The following GLIS3 variants were observed in gnomAD, a reference collection of about 807,000 sequenced individuals.
GLIS3 encodes the protein GLIS family zinc finger 3.
Under a neutral mutation model 78.6 loss-of-function variants are expected in GLIS3, and 53 were observed. That is an observed-to-expected ratio of 0.67 (90% confidence interval 0.54 to 0.85). The LOEUF is 0.85. Ranked by LOEUF, GLIS3 falls within the 40% of genes least tolerant of loss-of-function variation. The probability of loss-of-function intolerance (pLI) is 0.00; values close to 1 mark genes in which losing one functional copy is unlikely to be tolerated. For synonymous variants in GLIS3, 684 were observed against 509.9 expected (o/e 1.34, Z -4.60); for missense variants, 1,703 against 1,231.1 (o/e 1.38, Z -5.74).
intron 2 of GLIS3, among the ~76,000 whole-genome samples, chr9:4,341,366 C>A (rs190292810): frequency 6.6e-6 from 1 of 152,354 alleles, no homozygotes; most frequent in African/African-American, 2.4e-5. Flanking sequence ...TGACCCTGTT[C>A]AAATCAACTC....
chr9:4,481,653 T>C, the GLIS3 span, among the ~76,000 whole-genome samples: 1 of 152,162 alleles, frequency 6.6e-6, no homozygotes, highest in African/African-American at 2.4e-5. Context: ...AGTGTACTTT[T>C]ACACACTTAA....
chr9:3,862,634 T>G (rs1446557359), intron 8 of GLIS3, among the ~76,000 whole-genome samples: 1 of 152,186 alleles, frequency 6.6e-6, no homozygotes, highest in Non-Finnish European at 1.5e-5. Context: ...CAGCCAGCAG[T>G]GCAGGACTGT....
chr9:4,168,197 G>A (rs187770539), intron 2 of GLIS3, among the ~76,000 whole-genome samples: 14 of 150,574 alleles, frequency 9.3e-5, no homozygotes, highest in East Asian at 7.8e-4. Context: ...ACACACAGAC[G>A]CACACACACA....
At chr9:4,254,002 C>A (rs1200751379) in intron 2 of GLIS3, among the ~76,000 whole-genome samples, 1 of 152,178 alleles carries the variant, frequency 6.6e-6, no homozygotes, top group Non-Finnish European at 1.5e-5. Flanking sequence ...AAATCACCTG[C>A]CTTCTGCCTC....
At chr9:3,846,699 G>C (rs1484832130) in intron 9 of GLIS3, among the ~76,000 whole-genome samples, 1 of 152,098 alleles carries the variant, frequency 6.6e-6, no homozygotes, top group East Asian at 1.9e-4. Context: ...TCTTCCACAG[G>C]GCTGCCATGG....
chr9:4,386,828 T>C, the GLIS3 span, among the ~76,000 whole-genome samples: 1 of 152,214 alleles, frequency 6.6e-6, no homozygotes, highest in African/African-American at 2.4e-5. Context: ...AGACCCTATT[T>C]TCCTGCTTCA....
At chr9:4,140,124 G>A (rs1833697972) in intron 2 of GLIS3, among the ~76,000 whole-genome samples, 1 of 152,144 alleles carries the variant, frequency 6.6e-6, no homozygotes, top group African/African-American at 2.4e-5. Context: ...TGGAGTGTGA[G>A]ACCAGCCTGG....
chr9:4,377,458 G>C, the GLIS3 span, among the ~76,000 whole-genome samples: 1,124 of 135,458 alleles, frequency 8.3e-3, 210 homozygotes, highest in African/African-American at 0.026. Flanking sequence ...CCCTGCTTTG[G>C]ACTGAGCCAC....
chr9:4,381,161 T>C, the GLIS3 span, among the ~76,000 whole-genome samples: 1 of 152,226 alleles, frequency 6.6e-6, no homozygotes, highest in South Asian at 2.1e-4. Flanking sequence ...CTTTACATTT[T>C]TAAGAAAATG....
At chr9:4,320,585 CCAT>C (rs200003572) in intron 2 of GLIS3, among the ~76,000 whole-genome samples, 4,176 of 152,142 alleles carry the variant, frequency 0.027, 196 homozygotes, top group African/African-American at 0.094. Flanking sequence ...AACACAAAAC[CCAT>C]CATCATCACC....
intron 4 of GLIS3, among the ~76,000 whole-genome samples, chr9:3,995,227 G>A (rs148928114): frequency 6.6e-6 from 1 of 152,134 alleles, no homozygotes; most frequent in Non-Finnish European, 1.5e-5. Context: ...CAGAAAACCT[G>A]GGTTTGAATC....
chr9:3,841,418 C>T (rs1354196785), intron 9 of GLIS3, among the ~76,000 whole-genome samples: 1 of 152,162 alleles, frequency 6.6e-6, no homozygotes, highest in African/African-American at 2.4e-5. Context: ...TTTGAGGGAA[C>T]TCTAGCCTCT....
intron 2 of GLIS3, among the ~76,000 whole-genome samples, chr9:4,174,119 C>T (rs949380968): frequency 6.6e-6 from 1 of 152,162 alleles, no homozygotes; most frequent in Non-Finnish European, 1.5e-5. Context: ...AGAGACCTCA[C>T]TCTAGGAGAA....
intron 2 of GLIS3, among the ~76,000 whole-genome samples, chr9:4,267,388 G>A (rs1279559123): frequency 6.6e-6 from 1 of 152,178 alleles, no homozygotes; most frequent in Non-Finnish European, 1.5e-5. Context: ...TAAATCTTGA[G>A]ATGAAATGGC....
At chr9:4,342,869 A>G (rs1202975372) in intron 2 of GLIS3, among the ~76,000 whole-genome samples, 1 of 152,086 alleles carries the variant, frequency 6.6e-6, no homozygotes, top group Non-Finnish European at 1.5e-5. Flanking sequence ...TGTGAATGGG[A>G]TTGTGTTCTT....
intron 4 of GLIS3, among the ~76,000 whole-genome samples, chr9:4,062,734 T>A (rs1481643679): frequency 6.6e-6 from 1 of 152,134 alleles, no homozygotes; most frequent in Non-Finnish European, 1.5e-5. Context: ...GAGACCATCC[T>A]GGCTAACACA....
chr9:4,271,112 A>T (rs914809740), intron 2 of GLIS3, among the ~76,000 whole-genome samples: 1 of 152,128 alleles, frequency 6.6e-6, no homozygotes, highest in African/African-American at 2.4e-5. Context: ...ATCCACTTCT[A>T]CTTAATGAAC....
intron 4 of GLIS3, among the ~76,000 whole-genome samples, chr9:4,025,460 T>A (rs1823252192): frequency 6.6e-6 from 1 of 151,942 alleles, no homozygotes; most frequent in Non-Finnish European, 1.5e-5. Flanking sequence ...TGATCTTGGC[T>A]CACCGCAACC....
In GLIS3 at chr9:3,828,100, C is replaced by A; in HGVS notation, c.*172G>T. On this transcript the variant is annotated 3_prime_UTR_variant, in exon 11 of 11. Coordinates refer to ENST00000381971, the MANE Select transcript of GLIS3 (RefSeq NM_001042413.2). ...AGAAAAAGGAGCAACTGTAATGATTCCTGCAAAGCTAGCTCTGCCATTCAG... is the reference window on the plus strand; with the variant it reads ...AGAAAAAGGAGCAACTGTAATGATTACTGCAAAGCTAGCTCTGCCATTCAG... The A allele has an allele frequency of 1.4e-6, 1 of 706,822 alleles. No homozygotes were observed. The highest frequency in any genetic ancestry group is 2.7e-5 in the East Asian group (1 of 37,140). 43.8% of individuals were successfully genotyped at this position (706,822 alleles called of 1,614,324 possible). A position where few individuals can be genotyped will look rare whatever the true frequency, so the allele number is the denominator to read the frequency against.
Sources: allele counts gnomAD v4.1 joint callset (sites outside exome capture counted in the v4.1 genomes callset), GRCh38; gene constraint gnomAD v4.1.1; transcripts MANE v1.5; gene names NCBI Gene and HGNC (gene_info 2026-07-23, HGNC 2026-07-21).